The following NDFIP1 variants were observed in gnomAD, a reference collection of about 807,000 sequenced individuals.
The protein encoded by NDFIP1 is NEDD4 family-interacting protein 1.
In NDFIP1, 7 loss-of-function variants were observed where a neutral mutation model predicts 28.8. The observed-to-expected ratio is 0.24, with a 90% CI of 0.14 to 0.46. The LOEUF is 0.46. Ranked by LOEUF, NDFIP1 falls within the 20% of genes least tolerant of loss-of-function variation. The probability of loss-of-function intolerance (pLI) is 0.99; values close to 1 mark genes in which losing one functional copy is unlikely to be tolerated. For synonymous variants in NDFIP1, 92 were observed against 101.0 expected, an observed-to-expected ratio of 0.91 and a Z score of 0.53; for missense variants, 194 against 269.1, an observed-to-expected ratio of 0.72 and a Z score of 1.95.
chr5:142,138,686 A>G (rs1230895104), intron 5 of NDFIP1, among the ~76,000 whole-genome samples: 1 of 152,194 alleles, frequency 6.6e-6, no homozygotes, highest in Non-Finnish European at 1.5e-5. Context: ...CTTTTCCCCC[A>G]CATAGCTAAT....
chr5:142,131,693 G>A (rs555587801), intron 1 of NDFIP1, 115 bp from the exon 2 acceptor site: 5 of 687,328 alleles, frequency 7.3e-6, no homozygotes, highest in Admixed American at 2.9e-5. Context: ...GCATTTCAAG[G>A]CTTTCAAAAT....
intron 7 of NDFIP1, among the ~76,000 whole-genome samples, chr5:142,148,319 G>A (rs1757411846): frequency 6.6e-6 from 1 of 152,140 alleles, no homozygotes; most frequent in Admixed American, 6.5e-5. Flanking sequence ...TATCATAGGG[G>A]CAGCTCTCAG....
At position 142,109,040 on chromosome 5, in the gene NDFIP1, A is replaced by T; in HGVS notation, c.63+3A>T. ...CCTGCGGCAGCCGGTACCAGCAGGT[A>T]AGCGGCGCCCGACTCCAGCCCCGAA... On this transcript the variant is annotated splice_donor_region_variant and intron_variant, in intron 1 of 7. Coordinates refer to ENST00000253814, the MANE Select transcript of NDFIP1 (RefSeq NM_030571.4). 7.0e-7 allele frequency: 1 copy of T among 1,421,282 alleles called. No individual in the cohort carries two copies. Among genetic ancestry groups the T allele is most frequent in the Non-Finnish European group, 9.2e-7 (1 of 1,087,734 alleles). The allele number at this position is 1,421,282 out of a possible 1,614,324, so 88.0% of individuals were successfully genotyped here.
intron 1 of NDFIP1, among the ~76,000 whole-genome samples, chr5:142,109,860 A>G (rs1373659692): frequency 6.6e-6 from 1 of 152,204 alleles, no homozygotes; most frequent in Non-Finnish European, 1.5e-5. Flanking sequence ...GACCTTCTGC[A>G]GGGTTTTTGG....
chr5:142,109,122 C>G (rs971188338), intron 1 of NDFIP1, 85 bp downstream of exon 1: 3 of 1,168,730 alleles, frequency 2.6e-6, no homozygotes, highest in Non-Finnish European at 3.2e-6. Flanking sequence ...CTGGCCGGCC[C>G]GCGGCCAACT....
At chr5:142,137,046 G>A (rs1174673848) in intron 4 of NDFIP1, among the ~76,000 whole-genome samples, 2 of 139,820 alleles carry the variant, frequency 1.4e-5, no homozygotes, top group Non-Finnish European at 3.0e-5. Flanking sequence ...ACTCCAGCCT[G>A]GGTGACAGAG....
At chr5:142,113,142 C>T (rs140666608) in intron 1 of NDFIP1, among the ~76,000 whole-genome samples, 106 of 152,282 alleles carry the variant, frequency 7.0e-4, no homozygotes, top group African/African-American at 2.5e-3. Context: ...TCTGGACTTG[C>T]CTCATTACCT....
chr5:142,148,685 A>G (rs1217802208), intron 7 of NDFIP1, among the ~76,000 whole-genome samples: 2 of 130,964 alleles, frequency 1.5e-5, no homozygotes, highest in Admixed American at 1.9e-4. Context: ...CAGGAGGTGG[A>G]GGTTGCAGTG....
rs375131921 is a variant in NDFIP1 at position 142,131,848 on chromosome 5, C to T, written c.104C>T (p.Ala35Val). Residue 35 changes from alanine (A) to valine (V), a missense_variant, in exon 2 of 8, where the codon GCA becomes GTA. Coordinates refer to ENST00000253814, the MANE Select transcript of NDFIP1 (RefSeq NM_030571.4). The stretch of plus-strand genomic sequence containing the variant: ...GAGTCTGGAGAACCTGAACAGGCTG[C>T]AGGTGATGCTCCTCCACCTTACAGC... ...EEESGEPEQA[A>V]GDAPPPYSSI... The T allele has an allele frequency of 2.5e-6, 4 of 1,601,058 alleles. No individual in the cohort carries two copies. The South Asian group carries it at 4.5e-5, about 18-fold the overall frequency.
In NDFIP1 at chr5:142,144,657, G is replaced by T; in HGVS notation, c.649G>T (p.Val217Phe). The change falls in exon 7 of 8, where the codon GTT (valine) becomes TTT (phenylalanine). Residue 217 changes from valine (V) to phenylalanine (F), a missense_variant. Val to Phe is a conservative substitution (Grantham distance 50). Transcript: ENST00000253814. ...ETFSNLPRTR[V>F]LFIY ...TTTCTCAAATCTCCCCAGGACCAGA[G>T]TTCTCTTTATTTATTAAAGGTATTA... 1 of 1,608,262 alleles carries T rather than the reference G, an allele frequency of 6.2e-7. No individual in the cohort carries two copies. Among genetic ancestry groups the T allele is most frequent in the South Asian group, 1.1e-5 (1 of 90,050 alleles).
intron 5 of NDFIP1, chr5:142,138,162 A>C (rs1757293789): frequency 5.3e-6 from 1 of 189,482 alleles, no homozygotes; most frequent in Admixed American, 5.8e-5. Flanking sequence ...TTTTTATAAT[A>C]AAAGGAAGGA....
At chr5:142,124,886 C>T (rs1030994118) in intron 1 of NDFIP1, among the ~76,000 whole-genome samples, 4 of 151,646 alleles carry the variant, frequency 2.6e-5, no homozygotes, top group Admixed American at 6.6e-5. Context: ...AGTGCAGTGG[C>T]GCAATCTCGG....
At chr5:142,126,669 GC>G (rs1369118105) in intron 1 of NDFIP1, among the ~76,000 whole-genome samples, 1 of 152,068 alleles carries the variant, frequency 6.6e-6, no homozygotes, top group African/African-American at 2.4e-5. Context: ...ACTTTTAAGT[GC>G]CTTTAGGTCC....
Position 142,135,780 on chromosome 5 carries a change from G to A in NDFIP1, c.333G>A (p.Arg111=), listed in dbSNP as rs1214302486. 6.2e-7 allele frequency: 1 copy of A among 1,613,858 alleles called. No homozygotes were observed. The highest frequency in any genetic ancestry group is 8.5e-7 in the Non-Finnish European group (1 of 1,179,868). The change falls in exon 4 of 8, where the codon AGG becomes AGA. Residue 111 remains arginine, a synonymous_variant. Transcript: ENST00000253814. Reference sequence around the variant, plus strand: ...ATTTTGATGATGCTGACCAGCTGAGGATAGGAAATGATGGGATTTTCATGT... The same window carrying A: ...ATTTTGATGATGCTGACCAGCTGAGAATAGGAAATGATGGGATTTTCATGT... ...RDDFDDADQL[R]IGNDGIFMLT... is the part of the protein sequence containing the mutation.
intron 1 of NDFIP1, among the ~76,000 whole-genome samples, chr5:142,109,670 G>A (rs1322801670): frequency 6.6e-6 from 1 of 152,172 alleles, no homozygotes; most frequent in African/African-American, 2.4e-5. Context: ...GCGTGTGCCG[G>A]GTGTATTTTA....
chr5:142,140,275 C>T lies in NDFIP1; in HGVS notation c.496-288C>T, dbSNP rs565494474. Among the ~76,000 whole-genome samples, 9 of 151,702 alleles carry T rather than the reference C, an allele frequency of 5.9e-5. No homozygotes were observed. The East Asian group carries it at 1.7e-3, about 29-fold the overall frequency. The stretch of plus-strand genomic sequence containing the variant: ...ACCGGCTTGACCAACATGGAGAAAC[C>T]CCATCTCTACTAAAAATATAAAGTT... On this transcript the variant is annotated intron_variant, in intron 5 of 7. Coordinates refer to ENST00000253814, the MANE Select transcript of NDFIP1 (RefSeq NM_030571.4).
chr5:142,149,434 C>CTTTTT (rs10684292), intron 7 of NDFIP1, among the ~76,000 whole-genome samples: 4 of 114,706 alleles, frequency 3.5e-5, no homozygotes, highest in Non-Finnish European at 3.4e-5. Flanking sequence ...TATTGGATTC[C>CTTTTT]TTTTTTTTTT....
chr5:142,150,327 T>A (rs1439870349), intron 7 of NDFIP1, among the ~76,000 whole-genome samples: 1 of 151,760 alleles, frequency 6.6e-6, no homozygotes, highest in Non-Finnish European at 1.5e-5. Context: ...GAGTTCCTCA[T>A]ATTTTTGTGT....
intron 1 of NDFIP1, among the ~76,000 whole-genome samples, chr5:142,125,586 C>T (rs575581583): frequency 6.6e-6 from 1 of 152,114 alleles, no homozygotes; most frequent in Non-Finnish European, 1.5e-5. Context: ...TCTCAGACTC[C>T]TGGCCTCAAG....
Sources: gnomAD v4.1 joint callset for allele counts (sites outside exome capture counted in the v4.1 genomes callset) on GRCh38, gnomAD v4.1.1 for gene constraint, MANE v1.5 for transcripts, NCBI Gene and HGNC (gene_info 2026-07-23, HGNC 2026-07-21) for gene names.